The following TBC1D12 variants were observed in gnomAD, a reference collection of about 807,000 sequenced individuals.
TBC1D12 encodes TBC1 domain family member 12.
Under a neutral mutation model 86.7 loss-of-function variants are expected in TBC1D12, and 56 were observed. That is an observed-to-expected ratio of 0.65 (90% CI 0.52 to 0.81). The LOEUF (loss-of-function observed/expected upper bound fraction) is 0.81, where lower values mean the gene tolerates loss of function less well. TBC1D12 is among the 30% of genes least tolerant of loss of function. TBC1D12 has a pLI of 0.00. For missense variants in TBC1D12, 1,023 were observed against 1,038.8 expected (o/e 0.98, Z 0.21); for synonymous variants, 421 against 411.7 (o/e 1.02, Z -0.27).
rs894976944 is a variant in TBC1D12 at position 94,474,570 on chromosome 10, A to G, written c.1096-98A>G. Reference sequence around the variant, plus strand: ...CCAAATTATTTTTTGAATTGTATGTATCCCTCATTATAGCATAATATTTTT... The same window carrying G: ...CCAAATTATTTTTTGAATTGTATGTGTCCCTCATTATAGCATAATATTTTT... On this transcript the variant is annotated intron_variant, in intron 2 of 12. Transcript: ENST00000225235. 4.9e-6 allele frequency: 4 copies of G among 813,294 alleles called. No homozygotes were observed. In the African/African-American group the frequency reaches 5.3e-5, roughly 11 times the overall value. 50.4% of individuals were successfully genotyped at this position (813,294 alleles called of 1,614,324 possible).
intron 2 of TBC1D12, among the ~76,000 whole-genome samples, chr10:94,464,299 T>C (rs1228494363): frequency 6.6e-6 from 1 of 152,196 alleles, no homozygotes; most frequent in Non-Finnish European, 1.5e-5. Flanking sequence ...TTATTTCTTC[T>C]GGTCTTTCAC....
intron 3 of TBC1D12, among the ~76,000 whole-genome samples, chr10:94,488,050 G>C (rs925991318): frequency 2.0e-5 from 3 of 152,082 alleles, no homozygotes; most frequent in African/African-American, 7.2e-5. Flanking sequence ...TTGAAAAGCT[G>C]TTTCAGGTAT....
chr10:94,495,695 A>G (rs2056308550), intron 4 of TBC1D12, among the ~76,000 whole-genome samples: 1 of 151,916 alleles, frequency 6.6e-6, no homozygotes, highest in Non-Finnish European at 1.5e-5. Context: ...GGTCAGCTTA[A>G]TCAGGGCTTT....
rs543277393 is a variant in TBC1D12, at chr10:94,441,166, T to C, written c.972-730T>C. 2.1e-4 allele frequency among the ~76,000 whole-genome samples: 32 copies of C among 151,836 alleles called. 1 individual carries two copies. Among genetic ancestry groups the C allele is most frequent in the Non-Finnish European group, 3.5e-4 (24 of 67,928 alleles). On this transcript the variant is annotated intron_variant, in intron 1 of 12. Transcript: ENST00000225235. ...CCTGTCCTGGGTTTTGTTTTTTTTTTTCTAGATTTTTCAGTGAGAGATACT... is the reference window on the plus strand; with the variant it reads ...CCTGTCCTGGGTTTTGTTTTTTTTTCTCTAGATTTTTCAGTGAGAGATACT...
At chr10:94,472,165 G>A (rs1005622831) in intron 2 of TBC1D12, among the ~76,000 whole-genome samples, 1 of 152,130 alleles carries the variant, frequency 6.6e-6, no homozygotes, top group African/African-American at 2.4e-5. Flanking sequence ...GACACTTTGG[G>A]AGACAGGGCG....
At chr10:94,409,938 G>A (rs2054908508) in intron 1 of TBC1D12, among the ~76,000 whole-genome samples, 1 of 152,124 alleles carries the variant, frequency 6.6e-6, no homozygotes, top group Non-Finnish European at 1.5e-5. Flanking sequence ...TCACAACTAA[G>A]GAACTAACAT....
At chr10:94,532,322 C>A (rs1842454726) in intron 12 of TBC1D12, among the ~76,000 whole-genome samples, 3 of 151,298 alleles carry the variant, frequency 2.0e-5, no homozygotes. Flanking sequence ...GGATTACAGG[C>A]ACATGCCACC....
chr10:94,433,615 A>G (rs1222276398), intron 1 of TBC1D12, among the ~76,000 whole-genome samples: 2 of 152,200 alleles, frequency 1.3e-5, no homozygotes. Flanking sequence ...AGAGACATAA[A>G]TACCCCCAAG....
At chr10:94,531,610 G>T (rs1344296525) in intron 12 of TBC1D12, 150 bp downstream of exon 12, 1 of 582,400 alleles carries the variant, frequency 1.7e-6, no homozygotes, top group Non-Finnish European at 2.5e-6. Flanking sequence ...AAATCAAATT[G>T]CCCACTTTGC....
At chr10:94,516,529 T>C (rs1452981043) in intron 9 of TBC1D12, among the ~76,000 whole-genome samples, 1 of 151,220 alleles carries the variant, frequency 6.6e-6, no homozygotes, top group Non-Finnish European at 1.5e-5. Context: ...TAACTCGTCA[T>C]TTACATTAGG....
intron 5 of TBC1D12, among the ~76,000 whole-genome samples, chr10:94,499,734 G>A (rs1287588637): frequency 6.6e-6 from 1 of 152,226 alleles, no homozygotes; most frequent in Non-Finnish European, 1.5e-5. Context: ...CTCAAGGTCA[G>A]AGAGGTTAAG....
At position 94,522,032 on chromosome 10, in the gene TBC1D12, T is replaced by C; in HGVS notation, c.1839T>C (p.Asn613=). 1 of 1,612,980 alleles carries C rather than the reference T, an allele frequency of 6.2e-7. No homozygotes were observed. Among genetic ancestry groups the C allele is most frequent in the Non-Finnish European group, 8.5e-7 (1 of 1,179,244 alleles). ...EEADAFIAFA[N]LLNKPCQLAF... is the part of the protein sequence containing the mutation. The stretch of plus-strand genomic sequence containing the variant: ...CAGATGCCTTTATCGCATTTGCCAA[T>C]CTCCTGAATAAGCCATGCCAGTTGG... The change falls in exon 10 of 13, where the codon AAT becomes AAC. Residue 613 remains asparagine, a synonymous_variant. Transcript: ENST00000225235.
intron 1 of TBC1D12, among the ~76,000 whole-genome samples, chr10:94,441,132 G>A (rs898081819): frequency 3.3e-5 from 5 of 151,194 alleles, no homozygotes; most frequent in African/African-American, 1.2e-4. Flanking sequence ...ACAGGTGTGA[G>A]CCATCGCACC....
chr10:94,515,172 G>A (rs2056575366), intron 9 of TBC1D12, among the ~76,000 whole-genome samples: 1 of 151,588 alleles, frequency 6.6e-6, no homozygotes, highest in African/African-American at 2.4e-5. Flanking sequence ...CTCCCAAAGT[G>A]CTGGGATTAC....
intron 3 of TBC1D12, among the ~76,000 whole-genome samples, chr10:94,478,321 A>G (rs2056024147): frequency 6.6e-6 from 1 of 152,206 alleles, no homozygotes; most frequent in Non-Finnish European, 1.5e-5. Flanking sequence ...GCTTCACACC[A>G]GCAGCATTTC....
chr10:94,466,100 G>C (rs533058574), intron 2 of TBC1D12, among the ~76,000 whole-genome samples: 1 of 151,572 alleles, frequency 6.6e-6, no homozygotes, highest in Non-Finnish European at 1.5e-5. Context: ...ATTTAAAGTG[G>C]GTTTCTTATA....
chr10:94,442,096 TTTTA>T, intron 2 of TBC1D12, 77 bp downstream of exon 2: 16 of 1,344,202 alleles, frequency 1.2e-5, no homozygotes, highest in East Asian at 5.4e-5. Context: ...TTTTTTTTTT[TTTTA>T]AACTAACCAT....
At chr10:94,429,403 T>C (rs984705984) in intron 1 of TBC1D12, among the ~76,000 whole-genome samples, 1 of 152,166 alleles carries the variant, frequency 6.6e-6, no homozygotes, top group Non-Finnish European at 1.5e-5. Flanking sequence ...AAACCCTACT[T>C]TTTTTGCATA....
chr10:94,450,266 T>C (rs1160320362), intron 2 of TBC1D12, among the ~76,000 whole-genome samples: 1 of 152,036 alleles, frequency 6.6e-6, no homozygotes, highest in Non-Finnish European at 1.5e-5. Flanking sequence ...AACTATAATA[T>C]TGTGTTTTAA....
Sources: gnomAD v4.1 joint callset for allele counts (sites outside exome capture counted in the v4.1 genomes callset) on GRCh38, gnomAD v4.1.1 for gene constraint, MANE v1.5 for transcripts, NCBI Gene and HGNC (gene_info 2026-07-23, HGNC 2026-07-21) for gene names.